Variants in EYA3 observed in about 807,000 individuals in gnomAD.
EYA3 encodes EYA transcriptional coactivator and phosphatase 3, also known as protein phosphatase EYA3.
Under a neutral mutation model 80.0 loss-of-function variants are expected in EYA3, and 39 were observed. The ratio of observed to expected loss-of-function variants is 0.49; its 90% CI spans 0.38 to 0.64. The LOEUF is 0.64. Among genes scored for constraint, EYA3 ranks in the 30% least tolerant of loss-of-function variants. The pLI, the probability that EYA3 is intolerant of heterozygous loss-of-function variation, is 0.00. For missense variants in EYA3, 523 were observed against 676.1 expected (o/e 0.77, Z 2.51); for synonymous variants, 206 against 232.8 (o/e 0.88, Z 1.05).
intron 3 of EYA3, among the ~76,000 whole-genome samples, chr1:28,044,006 AT>A (rs1049352888): frequency 3.9e-5 from 6 of 152,006 alleles, no homozygotes; most frequent in Non-Finnish European, 5.9e-5. Context: ...AAGCAACATC[AT>A]TTTTTTTAAC....
chr1:28,060,379 T>G (rs1644577648), intron 1 of EYA3, among the ~76,000 whole-genome samples: 1 of 152,170 alleles, frequency 6.6e-6, no homozygotes, highest in African/African-American at 2.4e-5. Flanking sequence ...CTCTATCAAG[T>G]TGAATAATGA....
intron 7 of EYA3, among the ~76,000 whole-genome samples, chr1:28,023,682 C>T (rs1642594293): frequency 6.6e-6 from 1 of 152,062 alleles, no homozygotes; most frequent in African/African-American, 2.4e-5. Flanking sequence ...TCTAGAAGAG[C>T]CTAAGGAGAC....
chr1:27,997,907 T>C (rs1169401269), intron 12 of EYA3, among the ~76,000 whole-genome samples: 1 of 152,114 alleles, frequency 6.6e-6, no homozygotes, highest in Non-Finnish European at 1.5e-5. Flanking sequence ...TCTAAATCAA[T>C]CTCCTCATGT....
chr1:28,041,683 T>G (rs1258348756), intron 4 of EYA3, among the ~76,000 whole-genome samples: 1 of 152,176 alleles, frequency 6.6e-6, no homozygotes, highest in African/African-American at 2.4e-5. Flanking sequence ...TATTTTATTT[T>G]ATTTTTTGTA....
intron 2 of EYA3, among the ~76,000 whole-genome samples, chr1:28,055,653 T>G (rs560206949): frequency 6.6e-6 from 1 of 152,094 alleles, no homozygotes; most frequent in Admixed American, 6.5e-5. Flanking sequence ...GTATTTTTAG[T>G]AGAGATGGGG....
At chr1:28,059,941 A>G (rs2148902823) in intron 1 of EYA3, among the ~76,000 whole-genome samples, 1 of 151,290 alleles carries the variant, frequency 6.6e-6, no homozygotes, top group African/African-American at 2.4e-5. Flanking sequence ...CTGGTCTTGA[A>G]CTCCTGACGT....
intron 1 of EYA3, among the ~76,000 whole-genome samples, chr1:28,085,289 A>G (rs758725325): frequency 6.6e-6 from 1 of 152,126 alleles, no homozygotes; most frequent in Non-Finnish European, 1.5e-5. Context: ...TGCCTCTCCA[A>G]AAAAATTTCA....
chr1:28,049,790 T>C (rs1019472049), intron 2 of EYA3, among the ~76,000 whole-genome samples: 1 of 152,220 alleles, frequency 6.6e-6, no homozygotes, highest in Non-Finnish European at 1.5e-5. Flanking sequence ...ATCTAGTTTA[T>C]CTGCCTGCCA....
rs1164070831 is a variant in EYA3, at chr1:28,009,135, T to A, written c.909+1812A>T. 6.6e-6 allele frequency among the ~76,000 whole-genome samples: 1 copy of A among 152,118 alleles called. No individual in the cohort carries two copies. The highest frequency in any genetic ancestry group is 1.5e-5 in the Non-Finnish European group (1 of 68,030). ...TTACAATAGCATCCAGCAATTCCAC[T>A]CCTACATATATACCAAAAAGAATTG... On this transcript the variant is annotated intron_variant, in intron 10 of 17. Coordinates refer to ENST00000373871, the MANE Select transcript of EYA3 (RefSeq NM_001990.4). The surrounding 1 kb of genome is among the most constrained non-coding windows in gnomAD (Gnocchi z 4.8).
intron 1 of EYA3, among the ~76,000 whole-genome samples, chr1:28,070,391 G>GT (rs1644980954): frequency 6.6e-6 from 1 of 151,884 alleles, no homozygotes; most frequent in African/African-American, 2.4e-5. Context: ...GAAACCCCCC[G>GT]TCTCTACTAA....
At chr1:28,039,742 A>G (rs901205902) in intron 4 of EYA3, among the ~76,000 whole-genome samples, 13 of 152,356 alleles carry the variant, frequency 8.5e-5, no homozygotes, top group Admixed American at 7.8e-4. Flanking sequence ...TCAAATGCTC[A>G]AGAGTAAGAC....
In EYA3 at chr1:28,017,173, A is replaced by ACTG. The variant is rs775219285; in HGVS notation, c.563_565dup (p.Ala188dup). ...TCATACCTGGTTTGAGATGCTGGCT[A>ACTG]CTGCTGCTGCTGGAATATTGGCAAT... On this transcript the variant is annotated inframe_insertion, in exon 8 of 18. Transcript: ENST00000373871. The ACTG allele has an allele frequency of 1.9e-6, 3 of 1,613,826 alleles. No homozygotes were observed. The highest frequency in any genetic ancestry group is 2.5e-6 in the Non-Finnish European group (3 of 1,179,732).
At chr1:27,982,622 T>G (rs901649177) in intron 16 of EYA3, among the ~76,000 whole-genome samples, 10 of 152,186 alleles carry the variant, frequency 6.6e-5, no homozygotes, top group African/African-American at 2.2e-4. Context: ...AGACAGAGTC[T>G]TGCTCTGTTG....
At chr1:28,081,682 AG>A (rs1194043071) in intron 1 of EYA3, among the ~76,000 whole-genome samples, 1 of 152,128 alleles carries the variant, frequency 6.6e-6, no homozygotes, top group African/African-American at 2.4e-5. Flanking sequence ...TATTTTGAAA[AG>A]GGGGAGGGGC....
chr1:28,044,397 A>C (rs1172527569), intron 3 of EYA3, among the ~76,000 whole-genome samples: 3 of 152,254 alleles, frequency 2.0e-5, no homozygotes, highest in Non-Finnish European at 4.4e-5. Flanking sequence ...AGGACTAATA[A>C]GTTTACATTT....
At chr1:28,038,970 T>C in intron 4 of EYA3, 65 bp from the exon 5 acceptor site, 2 of 995,836 alleles carry the variant, frequency 2.0e-6, no homozygotes, top group South Asian at 1.4e-5. Context: ...ATGGGAAAAC[T>C]GCACATCTCA....
chr1:28,030,047 A>T (rs1643039267), intron 6 of EYA3, among the ~76,000 whole-genome samples: 1 of 152,180 alleles, frequency 6.6e-6, no homozygotes, highest in Admixed American at 6.6e-5. Context: ...ATGACTTCAA[A>T]CTCAACATTA....
chr1:27,981,830 A>G (rs1639324863), intron 16 of EYA3, among the ~76,000 whole-genome samples: 1 of 151,574 alleles, frequency 6.6e-6, no homozygotes, highest in Admixed American at 6.6e-5. Flanking sequence ...AACACTTCAC[A>G]GTTGCTGTAT....
At chr1:28,029,655 C>T (rs116560519) in intron 6 of EYA3, among the ~76,000 whole-genome samples, 291 of 150,412 alleles carry the variant, frequency 1.9e-3, no homozygotes, top group African/African-American at 5.1e-3. Context: ...TGCAGTGGCA[C>T]GATGATCTCA....
Sources: allele counts gnomAD v4.1 joint callset (sites outside exome capture counted in the v4.1 genomes callset), GRCh38; gene constraint gnomAD v4.1.1; non-coding constraint Gnocchi (gnomAD v3.1); transcripts MANE v1.5; gene names NCBI Gene and HGNC (gene_info 2026-07-23, HGNC 2026-07-21).